Variants in POC5 observed in about 807,000 individuals in gnomAD.
POC5 encodes centrosomal protein POC5.
Under a neutral mutation model 62.9 loss-of-function variants are expected in POC5, and 48 were observed. The ratio of observed to expected loss-of-function variants is 0.76; its 90% CI spans 0.61 to 0.97. POC5 has a LOEUF of 0.97. POC5 is among the 50% of genes least tolerant of loss of function. The probability of loss-of-function intolerance (pLI) is 0.00; values close to 1 mark genes in which losing one functional copy is unlikely to be tolerated. For missense variants in POC5, 696 were observed against 679.5 expected, an observed-to-expected ratio of 1.02 and a Z score of -0.27; for synonymous variants, 236 against 228.2, an observed-to-expected ratio of 1.03 and a Z score of -0.31.
At chr5:75,702,917 G>A in intron 4 of POC5, 107 bp from the exon 5 acceptor site, 1 of 830,392 alleles carries the variant, frequency 1.2e-6, no homozygotes, top group Admixed American at 2.8e-5. Flanking sequence ...TGGAGGCTGA[G>A]AAAAAATGCA....
Position 75,685,351 on chromosome 5 carries a change from T to C in POC5, c.1263A>G (p.Pro421=), listed in dbSNP as rs1289410808. 6.2e-7 allele frequency: 1 copy of C among 1,613,854 alleles called. No individual in the cohort carries two copies. Among genetic ancestry groups the C allele is most frequent in the Non-Finnish European group, 8.5e-7 (1 of 1,179,896 alleles). The change falls in exon 10 of 12, where the codon CCA becomes CCG. Residue 421 remains proline (P), a synonymous_variant. Transcript: ENST00000428202. ...TCGCGCTGGCTCCTCCGACGGCGGCTGGTGGGGATGGCAGCAGTGGTGATG... is the reference window on the plus strand; with the variant it reads ...TCGCGCTGGCTCCTCCGACGGCGGCCGGTGGGGATGGCAGCAGTGGTGATG... ...PVTSPLLPSP[P]AAVGGASATA...
chr5:75,702,946 TG>T, intron 4 of POC5, 136 bp from the exon 5 acceptor site: 1 of 664,114 alleles, frequency 1.5e-6, no homozygotes, highest in Non-Finnish European at 2.6e-6. Flanking sequence ...ACCTTTCAGG[TG>T]TACCTTAATC....
chr5:75,685,715 G>T (rs1000262215), intron 9 of POC5, among the ~76,000 whole-genome samples: 3 of 152,154 alleles, frequency 2.0e-5, no homozygotes, highest in Non-Finnish European at 2.9e-5. Context: ...AAAGCTAATG[G>T]ATCATTTGTT....
intron 9 of POC5, 35 bp downstream of exon 9, chr5:75,688,977 G>C (rs1332941689): frequency 6.7e-7 from 1 of 1,493,296 alleles, no homozygotes; most frequent in Non-Finnish European, 8.9e-7. Context: ...ATCTTTTTTT[G>C]AAATTAGGCA....
chr5:75,707,958 TA>T (rs1431759411), intron 2 of POC5, 83 bp from the exon 3 acceptor site: 1 of 1,241,378 alleles, frequency 8.1e-7, no homozygotes, highest in Non-Finnish European at 1.1e-6. Context: ...TAAAGAAATT[TA>T]ATTACCATAA....
chr5:75,689,731 T>C (rs1776243609), intron 8 of POC5: 1 of 918,690 alleles, frequency 1.1e-6, no homozygotes, highest in African/African-American at 1.8e-5. Flanking sequence ...AACAATTTAA[T>C]GCTGTAATGA....
chr5:75,712,951 T>G lies in POC5; in HGVS notation c.-14A>C. 6.3e-7 allele frequency: 1 copy of G among 1,594,364 alleles called. No individual in the cohort carries two copies. Among genetic ancestry groups the G allele is most frequent in the Non-Finnish European group, 8.5e-7 (1 of 1,169,626 alleles). On this transcript the variant is annotated splice_region_variant and 5_prime_UTR_variant, in exon 2 of 12. Coordinates refer to ENST00000428202, the MANE Select transcript of POC5 (RefSeq NM_001099271.2). ...ATCTGATGACATTCTGCACAAATGC[T>G]CTAAAACAGTAGAAGCTAACTTTAG...
At chr5:75,700,928 T>G (rs1191295464) in intron 5 of POC5, among the ~76,000 whole-genome samples, 3 of 136,692 alleles carry the variant, frequency 2.2e-5, no homozygotes, top group African/African-American at 7.8e-5. Context: ...CAGACACTTC[T>G]CAAAAGAAGA....
intron 10 of POC5, among the ~76,000 whole-genome samples, chr5:75,682,690 G>GT: frequency 6.6e-6 from 1 of 151,426 alleles, no homozygotes; most frequent in East Asian, 2.0e-4. Flanking sequence ...TAATTTTTTT[G>GT]TATTTTTGTA....
rs865950781 is a variant in POC5, at chr5:75,690,327, T to G, written c.975+56A>C. 158 of 1,432,202 alleles carry G rather than the reference T, an allele frequency of 1.1e-4. No homozygotes were observed. The Middle Eastern group carries it at 4.7e-3, about 42-fold the overall frequency. The allele number at this position is 1,432,202 out of a possible 1,614,324, so 88.7% of individuals were successfully genotyped here. A position where few individuals can be genotyped will look rare whatever the true frequency, so the allele number is the denominator to read the frequency against. ...AAGAAGTCTATTAATTAATAGTGAG[T>G]CTATCTATCTTTTTATTGTATTAGA... is the stretch of plus-strand genomic sequence containing the variant. On this transcript the variant is annotated intron_variant, in intron 8 of 11. Transcript: ENST00000428202.
At position 75,702,814 on chromosome 5, in the gene POC5, A is replaced by T; in HGVS notation, c.308-4T>A. The T allele has an allele frequency of 6.4e-7, 1 of 1,554,174 alleles. No individual in the cohort carries two copies. The highest frequency in any genetic ancestry group is 8.7e-7 in the Non-Finnish European group (1 of 1,145,250). On this transcript the variant is annotated splice_region_variant and splice_polypyrimidine_tract_variant and intron_variant, in intron 4 of 11. Coordinates refer to ENST00000428202, the MANE Select transcript of POC5 (RefSeq NM_001099271.2). ...GGCGATAACACTGGTGATGACTCTG[A>T]ATAAAAGAAAAGTTGTAGCTGTCAA...
chr5:75,714,696 A>G (rs1411104381), intron 1 of POC5, among the ~76,000 whole-genome samples: 5 of 152,168 alleles, frequency 3.3e-5, no homozygotes, highest in African/African-American at 4.8e-5. Flanking sequence ...AATGAGTGCC[A>G]TATCAGATGA....
At chr5:75,712,789 T>C in intron 2 of POC5, 65 bp downstream of exon 2, 1 of 1,219,564 alleles carries the variant, frequency 8.2e-7, no homozygotes, top group Non-Finnish European at 1.1e-6. Context: ...AAAATCCTAG[T>C]TTTCCCTTAC....
chr5:75,677,621 T>TAAAAA, intron 11 of POC5, 153 bp downstream of exon 11: 4 of 390,566 alleles, frequency 1.0e-5, no homozygotes, highest in African/African-American at 2.2e-5. Context: ...GTATATATAT[T>TAAAAA]AAAAAAAAAA....
intron 10 of POC5, among the ~76,000 whole-genome samples, chr5:75,684,306 C>G (rs1354164313): frequency 7.3e-6 from 1 of 137,188 alleles, no homozygotes; most frequent in African/African-American, 2.8e-5. Flanking sequence ...CAATAGTGTT[C>G]TTCAAACATA....
chr5:75,708,802 C>A (rs530938779), intron 2 of POC5, among the ~76,000 whole-genome samples: 5 of 152,004 alleles, frequency 3.3e-5, no homozygotes, highest in Admixed American at 6.6e-5. Context: ...ACCTGGTTTG[C>A]GCTTCAACCT....
intron 1 of POC5, among the ~76,000 whole-genome samples, chr5:75,714,721 T>A (rs1777479489): frequency 6.6e-6 from 1 of 152,132 alleles, no homozygotes; most frequent in Admixed American, 6.5e-5. Context: ...GGTGTGAGGA[T>A]GCCTCTGAGG....
chr5:75,700,009 A>C, intron 5 of POC5, among the ~76,000 whole-genome samples: 1 of 151,902 alleles, frequency 6.6e-6, no homozygotes, highest in Non-Finnish European at 1.5e-5. Context: ...TCCAACTTAC[A>C]AGGGATGGGA....
At chr5:75,692,058 T>C (rs1309258429) in intron 7 of POC5, among the ~76,000 whole-genome samples, 1 of 152,162 alleles carries the variant, frequency 6.6e-6, no homozygotes, top group African/African-American at 2.4e-5. Context: ...AGAAACAATA[T>C]AGGAAGCATT....
Sources: allele counts gnomAD v4.1 joint callset (sites outside exome capture counted in the v4.1 genomes callset), GRCh38; gene constraint gnomAD v4.1.1; transcripts MANE v1.5; gene names NCBI Gene and HGNC (gene_info 2026-07-23, HGNC 2026-07-21).